RAD51B: variants seen among roughly 807,000 people sequenced by gnomAD.
RAD51B encodes RAD51 paralog B.
RAD51B carries 38 observed loss-of-function variants against 42.2 expected under a neutral mutation model. The ratio of observed to expected loss-of-function variants is 0.90; its 90% CI spans 0.70 to 1.18. RAD51B has a LOEUF of 1.18. Ranked by LOEUF, RAD51B falls within the 50% of genes most tolerant of loss-of-function variation. RAD51B has a pLI of 0.00. For missense variants in RAD51B, 373 were observed against 400.7 expected (o/e 0.93, Z 0.59); for synonymous variants, 154 against 145.2 (o/e 1.06, Z -0.43).
chr14:68,522,118 G>C (rs1296333661), intron 10 of RAD51B, among the ~76,000 whole-genome samples: 1 of 152,152 alleles, frequency 6.6e-6, no homozygotes, highest in Non-Finnish European at 1.5e-5. Context: ...CGTGTGAGTG[G>C]GATGTGAGCC....
rs1257645056 is a variant in RAD51B at position 67,931,801 on chromosome 14, C to T, written c.756+44597C>T. ...TATAGGCGTGAATCACAGTGCCCGG[C>T]CCAGCATTTCTTGAATTTCTTTTTA... is the stretch of plus-strand genomic sequence containing the variant. On this transcript the variant is annotated intron_variant, in intron 7 of 10. Coordinates refer to ENST00000471583, the MANE Select transcript of RAD51B (RefSeq NM_133510.4). Among the ~76,000 whole-genome samples the T allele has an allele frequency of 3.3e-5, 5 of 152,256 alleles. No individual in the cohort carries two copies. In the East Asian group the frequency reaches 9.6e-4, roughly 29 times the overall value.
At chr14:67,886,072 A>C in intron 6 of RAD51B, 84 bp downstream of exon 6, 1 of 1,188,596 alleles carries the variant, frequency 8.4e-7, no homozygotes, top group African/African-American at 1.5e-5. Flanking sequence ...TAAGTGAAAA[A>C]AGTCTTTATA....
chr14:67,870,971 A>G (rs1037517254), intron 5 of RAD51B, among the ~76,000 whole-genome samples: 7 of 150,702 alleles, frequency 4.6e-5, no homozygotes, highest in South Asian at 2.1e-4. Context: ...CTAAATGCCC[A>G]CAAGAGAAAG....
At chr14:68,304,833 A>G (rs1206375799) in intron 8 of RAD51B, among the ~76,000 whole-genome samples, 1 of 152,160 alleles carries the variant, frequency 6.6e-6, no homozygotes, top group African/African-American at 2.4e-5. Context: ...GCAAATTGGT[A>G]TGTTCAAGCC....
At chr14:67,850,276 A>C (rs1238853962) in intron 4 of RAD51B, among the ~76,000 whole-genome samples, 1 of 152,188 alleles carries the variant, frequency 6.6e-6, no homozygotes, top group Non-Finnish European at 1.5e-5. Context: ...TACAGACATG[A>C]GTCACCGTGC....
chr14:68,289,500 A>T (rs905731444), intron 7 of RAD51B, among the ~76,000 whole-genome samples: 1 of 152,160 alleles, frequency 6.6e-6, no homozygotes, highest in African/African-American at 2.4e-5. Context: ...GGATCATTTT[A>T]GGTCAGGAGT....
chr14:68,104,741 A>G (rs1384711708), intron 7 of RAD51B, among the ~76,000 whole-genome samples: 2 of 152,176 alleles, frequency 1.3e-5, no homozygotes, highest in African/African-American at 4.8e-5. Context: ...CAAGAAATCC[A>G]CGATAGACTT....
chr14:67,914,203 G>A (rs2044079392), intron 7 of RAD51B, among the ~76,000 whole-genome samples: 1 of 152,068 alleles, frequency 6.6e-6, no homozygotes, highest in Non-Finnish European at 1.5e-5. Context: ...GGCTGGTCTT[G>A]AACTCCTGAC....
chr14:68,533,493 C>T (rs765975027), intron 10 of RAD51B, among the ~76,000 whole-genome samples: 2 of 152,084 alleles, frequency 1.3e-5, no homozygotes, highest in Non-Finnish European at 2.9e-5. Flanking sequence ...AGGTGTTTGC[C>T]TTTAAGAGAA....
chr14:68,210,116 T>A (rs999714033), intron 7 of RAD51B, among the ~76,000 whole-genome samples: 4 of 152,062 alleles, frequency 2.6e-5, no homozygotes, highest in Non-Finnish European at 5.9e-5. Context: ...TACGCCACCA[T>A]GCCCAGCTAA....
At chr14:68,058,846 G>A (rs1333362689) in intron 7 of RAD51B, among the ~76,000 whole-genome samples, 2 of 152,100 alleles carry the variant, frequency 1.3e-5, no homozygotes, top group African/African-American at 4.8e-5. Context: ...CTAAGAAGTT[G>A]AACCAATTTA....
At chr14:68,682,663 G>A (rs890703631) in intron 11 of RAD51B, among the ~76,000 whole-genome samples, 7 of 152,008 alleles carry the variant, frequency 4.6e-5, no homozygotes, top group Non-Finnish European at 1.0e-4. Context: ...CCATAAATAT[G>A]GTTCCCATCC....
chr14:68,591,903 T>C (rs1046852517), intron 10 of RAD51B, among the ~76,000 whole-genome samples: 1 of 152,130 alleles, frequency 6.6e-6, no homozygotes, highest in East Asian at 1.9e-4. Flanking sequence ...TCCTTTCACT[T>C]CTGGATCCTG....
At chr14:68,354,244 G>T (rs2082851295) in intron 8 of RAD51B, among the ~76,000 whole-genome samples, 1 of 127,298 alleles carries the variant, frequency 7.9e-6, no homozygotes. Context: ...TTGAGATGGA[G>T]TCTCGCTCTG....
At chr14:68,480,581 A>G (rs1883098499), downstream of RAD51B, among the ~76,000 whole-genome samples, 1 of 152,136 alleles carries the variant, frequency 6.6e-6, no homozygotes, top group Non-Finnish European at 1.5e-5. Context: ...CAGCTCTCCC[A>G]GATCTCTGTC....
chr14:68,044,496 G>T (rs1261859683), intron 7 of RAD51B, among the ~76,000 whole-genome samples: 1 of 151,880 alleles, frequency 6.6e-6, no homozygotes, highest in Non-Finnish European at 1.5e-5. Context: ...GACTTAGTTT[G>T]TCAGAATATT....
chr14:67,838,477 G>A (rs892791817), intron 4 of RAD51B, among the ~76,000 whole-genome samples: 2 of 151,834 alleles, frequency 1.3e-5, no homozygotes, highest in African/African-American at 4.8e-5. Flanking sequence ...TGGTCTAGCT[G>A]TGTCACCTAG....
intron 10 of RAD51B, among the ~76,000 whole-genome samples, chr14:68,645,843 T>A (rs1892553996): frequency 6.6e-6 from 1 of 152,214 alleles, no homozygotes; most frequent in Non-Finnish European, 1.5e-5. Flanking sequence ...CTATCATAAG[T>A]AAAATTGCAA....
At chr14:68,474,582 G>T (rs1882396835) in intron 10 of RAD51B, among the ~76,000 whole-genome samples, 1 of 152,166 alleles carries the variant, frequency 6.6e-6, no homozygotes, top group South Asian at 2.1e-4. Context: ...CTCAAAATTG[G>T]GTTTGTAGCC....
Sources: allele counts gnomAD v4.1 joint callset (sites outside exome capture counted in the v4.1 genomes callset), GRCh38; gene constraint gnomAD v4.1.1; transcripts MANE v1.5; gene names NCBI Gene and HGNC (gene_info 2026-07-23, HGNC 2026-07-21).